The following PCNX4 variants were observed in gnomAD, a reference collection of about 807,000 sequenced individuals.
PCNX4 encodes the protein pecanex 4.
In PCNX4, 103 loss-of-function variants were observed where a neutral mutation model predicts 107.2. The ratio of observed to expected loss-of-function variants is 0.96; its 90% CI spans 0.82 to 1.13. The LOEUF is 1.13. Ranked by LOEUF, PCNX4 falls within the 50% of genes most tolerant of loss-of-function variation. The pLI is 0.00. For synonymous variants in PCNX4, 541 were observed against 481.7 expected (o/e 1.12, Z -1.61); for missense variants, 1,528 against 1,379.4 (o/e 1.11, Z -1.71).
In PCNX4 at chr14:60,091,993, A is replaced by T. The variant is rs553754105; in HGVS notation, c.-480A>T. The T allele has an allele frequency of 6.6e-6, 1 of 152,418 alleles. No individual in the cohort carries two copies. Among genetic ancestry groups the T allele is most frequent in the Non-Finnish European group, 1.5e-5 (1 of 68,192 alleles). 9.4% of individuals were successfully genotyped at this position (152,418 alleles called of 1,614,324 possible). ...CCCCGCTGCTGCTTCTGCTAGGCCC[A>T]GTGCGAGACCAGAGCACGAGCGACT... is the stretch of plus-strand genomic sequence containing the variant. On this transcript the variant is annotated 5_prime_UTR_variant, in exon 1 of 11. Coordinates refer to ENST00000406854, the MANE Select transcript of PCNX4 (RefSeq NM_001330177.2).
intron 6 of PCNX4, among the ~76,000 whole-genome samples, chr14:60,118,117 G>GTT (rs112724029): frequency 0.021 from 2,905 of 141,126 alleles, 89 homozygotes; most frequent in African/African-American, 0.068. Context: ...TAGTGTTACT[G>GTT]TTTTTTTTTT....
rs1322058089 is a variant in PCNX4 at position 60,147,282 on chromosome 14, T to C, written c.*13061T>C. The C allele has an allele frequency of 2.0e-5, 3 of 152,170 alleles. No individual in the cohort carries two copies. Among genetic ancestry groups the C allele is most frequent in the Non-Finnish European group, 4.4e-5 (3 of 68,020 alleles). 9.4% of individuals were successfully genotyped at this position (152,170 alleles called of 1,614,324 possible). A position where few individuals can be genotyped will look rare whatever the true frequency, so the allele number is the denominator to read the frequency against. ...TTTCAGTTATAAGATAAATAACTTA[T>C]GTTATTATAATTTACAGATTCTAAG... On this transcript the variant is annotated 3_prime_UTR_variant, in exon 11 of 11. Coordinates refer to ENST00000406854, the MANE Select transcript of PCNX4 (RefSeq NM_001330177.2).
rs140263180 is a variant in PCNX4, at chr14:60,126,631, G to A, written c.3267+808G>A. ...TCAGACTGGTACAACCCAGAACGTA[G>A]GCTCTCTTCTCTGTCAGCTCCCAGT... On this transcript the variant is annotated intron_variant, in intron 10 of 10. Coordinates refer to ENST00000406854, the MANE Select transcript of PCNX4 (RefSeq NM_001330177.2). Among the ~76,000 whole-genome samples the A allele has an allele frequency of 5.3e-3, 804 of 152,262 alleles. 6 individuals carry two copies. Among genetic ancestry groups the A allele is most frequent in the African/African-American group, 0.018 (765 of 41,544 alleles).
intron 10 of PCNX4, among the ~76,000 whole-genome samples, chr14:60,129,906 A>G (rs1027347689): frequency 6.6e-6 from 1 of 152,228 alleles, no homozygotes; most frequent in African/African-American, 2.4e-5. Context: ...TACGAGAGAA[A>G]GTCACGAAAG....
chr14:60,133,868 C>G, intron 10 of PCNX4, 102 bp from the exon 11 acceptor site: 1 of 1,202,234 alleles, frequency 8.3e-7, no homozygotes, highest in Non-Finnish European at 1.1e-6. Context: ...AAAAGTTTGC[C>G]TAATTACAAT....
At chr14:60,109,616 T>A (rs1895696386) in intron 2 of PCNX4, 1 of 159,420 alleles carries the variant, frequency 6.3e-6, no homozygotes, top group South Asian at 2.1e-4. Context: ...AATTTTTATA[T>A]TTTTAATAGA....
chr14:60,115,465 G>C lies in PCNX4; in HGVS notation c.1357+4G>C. On this transcript the variant is annotated splice_donor_region_variant and intron_variant, in intron 4 of 10. Transcript: ENST00000406854. ...AGACGGATTTTGCTAACTTTAGGTA[G>C]GAAGATAAAGTCTATTAACCTTGTG... The C allele has an allele frequency of 6.6e-7, 1 of 1,516,500 alleles. No individual in the cohort carries two copies. The allele number at this position is 1,516,500 out of a possible 1,614,324, so 93.9% of individuals were successfully genotyped here. A position where few individuals can be genotyped will look rare whatever the true frequency, so the allele number is the denominator to read the frequency against.
rs927010768 is a variant in PCNX4, at chr14:60,141,702, A to T, written c.*7481A>T. ...TTCTTCCATGTTGTTTTATGTATCA[A>T]TCATTCATTATTTTTTATCGCTGAG... On this transcript the variant is annotated 3_prime_UTR_variant, in exon 11 of 11. Coordinates refer to ENST00000406854, the MANE Select transcript of PCNX4 (RefSeq NM_001330177.2). 2.6e-5 allele frequency: 4 copies of T among 152,196 alleles called. No individual in the cohort carries two copies. Among genetic ancestry groups the T allele is most frequent in the Non-Finnish European group, 1.5e-5 (1 of 68,034 alleles). 9.4% of individuals were successfully genotyped at this position (152,196 alleles called of 1,614,324 possible).
chr14:60,124,391 G>A lies in PCNX4; in HGVS notation c.2220G>A (p.Arg740=). 1 of 1,613,430 alleles carries A rather than the reference G, an allele frequency of 6.2e-7. No individual in the cohort carries two copies. Residue 740 remains arginine, a synonymous_variant, in exon 9 of 11, where the codon AGG becomes AGA. Coordinates refer to ENST00000406854, the MANE Select transcript of PCNX4 (RefSeq NM_001330177.2). ...VLPVKLYSDA[R]NVLSGIIDSH... ...CTGTGAAATTGTATTCTGATGCCAG[G>A]AATGTTCTATCAGGCATAATTGATT... is the stretch of plus-strand genomic sequence containing the variant.
At position 60,100,165 on chromosome 14, in the gene PCNX4, C is replaced by T. The variant is rs146190638; in HGVS notation, c.-53-7421C>T. ...CATATATGAAAAGTTCTTCCAAATT[C>T]GTAAGAAAAATGTTCAAAAATGATC... On this transcript the variant is annotated intron_variant, in intron 1 of 10. Coordinates refer to ENST00000406854, the MANE Select transcript of PCNX4 (RefSeq NM_001330177.2). 8.4e-3 allele frequency among the ~76,000 whole-genome samples: 1,269 copies of T among 151,802 alleles called. 7 individuals carry two copies. The highest frequency in any genetic ancestry group is 0.013 in the Non-Finnish European group (865 of 67,960).
Position 60,125,095 on chromosome 14 carries a change from T to TA in PCNX4, c.2926dup (p.Met976AsnfsTer6). 6.2e-7 allele frequency: 1 copy of TA among 1,613,432 alleles called. No homozygotes were observed. Among genetic ancestry groups the TA allele is most frequent in the Non-Finnish European group, 8.5e-7 (1 of 1,179,600 alleles). On this transcript the variant is annotated frameshift_variant, in exon 9 of 11. Coordinates refer to ENST00000406854, the MANE Select transcript of PCNX4 (RefSeq NM_001330177.2). LOFTEE classifies it high-confidence loss of function. Reference sequence around the variant, plus strand: ...TTAAAAGACTTTTATGTTCATACAGTAATGACTTGTTATTTTAGTTTATTT... The same window carrying TA: ...TTAAAAGACTTTTATGTTCATACAGTAAATGACTTGTTATTTTAGTTTATTT...
chr14:60,099,385 TA>T (rs1298084763), intron 1 of PCNX4, among the ~76,000 whole-genome samples: 1 of 152,240 alleles, frequency 6.6e-6, no homozygotes, highest in Admixed American at 6.5e-5. Context: ...AAAGTTTGTC[TA>T]ATCATTTTTA....
chr14:60,100,055 ACT>A (rs1463276706), intron 1 of PCNX4, among the ~76,000 whole-genome samples: 2 of 152,074 alleles, frequency 1.3e-5, no homozygotes, highest in Admixed American at 6.5e-5. Context: ...ACAGACTGAG[ACT>A]CTGTCTCAAA....
Position 60,144,707 on chromosome 14 carries a change from A to C in PCNX4, c.*10486A>C, listed in dbSNP as rs1427017375. The C allele has an allele frequency of 2.9e-6, 1 of 349,524 alleles. No homozygotes were observed. Among genetic ancestry groups the C allele is most frequent in the Non-Finnish European group, 5.1e-6 (1 of 196,494 alleles). The allele number at this position is 349,524 out of a possible 1,614,324, so 21.7% of individuals were successfully genotyped here. On this transcript the variant is annotated 3_prime_UTR_variant, in exon 11 of 11. Transcript: ENST00000406854. ...TGGACTAAGACAAATCTGTTAACTT[A>C]GATTTTAAGCATATGTGCTAAAGTA... is the stretch of plus-strand genomic sequence containing the variant.
chr14:60,109,596 A>G (rs1895695806), intron 2 of PCNX4: 1 of 157,714 alleles, frequency 6.3e-6, no homozygotes, highest in Non-Finnish European at 1.5e-5. Flanking sequence ...ATGCGCCACC[A>G]TGCCCGGCTA....
intron 2 of PCNX4, among the ~76,000 whole-genome samples, 182 bp from the exon 3 acceptor site, chr14:60,114,518 A>C (rs1182177079): frequency 6.6e-6 from 1 of 152,142 alleles, no homozygotes; most frequent in Non-Finnish European, 1.5e-5. Context: ...ATGTAGAAGG[A>C]CACTTGTCAC....
intron 2 of PCNX4, among the ~76,000 whole-genome samples, chr14:60,113,520 C>T (rs902469662): frequency 6.6e-6 from 1 of 152,012 alleles, no homozygotes; most frequent in African/African-American, 2.4e-5. Flanking sequence ...AGGCACCCAC[C>T]ACCACACCCA....
At chr14:60,130,861 G>A (rs531158010) in intron 10 of PCNX4, among the ~76,000 whole-genome samples, 1 of 152,066 alleles carries the variant, frequency 6.6e-6, no homozygotes, top group Non-Finnish European at 1.5e-5. Flanking sequence ...CAGCACTTTG[G>A]GAGGCCGAGG....
At chr14:60,118,213 T>A in intron 6 of PCNX4, 116 bp from the exon 7 acceptor site, 2 of 1,311,850 alleles carry the variant, frequency 1.5e-6, no homozygotes, top group Non-Finnish European at 2.0e-6. Flanking sequence ...TAAGATTTAT[T>A]TCTTCAAAAA....
Sources: gnomAD v4.1 joint callset for allele counts (sites outside exome capture counted in the v4.1 genomes callset) on GRCh38, gnomAD v4.1.1 for gene constraint, MANE v1.5 for transcripts, NCBI Gene and HGNC (gene_info 2026-07-23, HGNC 2026-07-21) for gene names.